The following SPTLC3 variants were observed in gnomAD, a reference collection of about 807,000 sequenced individuals.
SPTLC3 encodes serine palmitoyltransferase long chain base subunit 3.
In SPTLC3, 36 loss-of-function variants were observed where a neutral mutation model predicts 59.3. The ratio of observed to expected loss-of-function variants is 0.61; its 90% CI spans 0.47 to 0.80. SPTLC3 has a LOEUF of 0.80. Ranked by LOEUF, SPTLC3 falls within the 30% of genes least tolerant of loss-of-function variation. SPTLC3 has a pLI of 0.00. For missense variants in SPTLC3, 625 were observed against 685.1 expected, an observed-to-expected ratio of 0.91 and a Z score of 0.98; for synonymous variants, 257 against 240.8, an observed-to-expected ratio of 1.07 and a Z score of -0.62.
In SPTLC3 at chr20:13,107,775, C is replaced by CT. The variant is rs34968369; in HGVS notation, c.827-2323dup. 3.3e-3 allele frequency among the ~76,000 whole-genome samples: 466 copies of CT among 142,012 alleles called. 4 individuals carry two copies. Among genetic ancestry groups the CT allele is most frequent in the South Asian group, 0.029 (130 of 4,408 alleles). 93.2% of individuals were successfully genotyped at this position (142,012 alleles called of 152,430 possible). On this transcript the variant is annotated intron_variant, in intron 6 of 11. Transcript: ENST00000399002. ...ATTAAAGAAAGGAAAGGAAAATGAC[C>CT]TTTTTTTTTTTTTTGTATCTGTTGG...
intron 6 of SPTLC3, among the ~76,000 whole-genome samples, chr20:13,104,027 G>C (rs1488179680): frequency 6.6e-6 from 1 of 152,122 alleles, no homozygotes. Context: ...GTAAGAACAG[G>C]CACAGGCTCA....
In SPTLC3 at chr20:13,160,094, T is replaced by C; in HGVS notation, c.1507T>C (p.Cys503Arg). The C allele has an allele frequency of 1.2e-6, 2 of 1,614,006 alleles. No homozygotes were observed. Among genetic ancestry groups the C allele is most frequent in the Non-Finnish European group, 8.5e-7 (1 of 1,179,952 alleles). ...TPLAEARARF[C>R]VSAAHTREML... ...CCTCGCAGAAGCTCGGGCTCGGTTT[T>C]GTGTTTCAGCGGCACATACCCGGGA... Residue 503 changes from cysteine to arginine, a missense_variant, in exon 11 of 12, where the codon TGT (cysteine) becomes CGT (arginine). Physicochemically the swap from Cys to Arg is radical, Grantham distance 180 (BLOSUM62 -3). Transcript: ENST00000399002.
chr20:13,018,046 C>T (rs1050253933), intron 1 of SPTLC3, among the ~76,000 whole-genome samples: 2 of 152,168 alleles, frequency 1.3e-5, no homozygotes, highest in African/African-American at 4.8e-5. Flanking sequence ...AACTTCTAAA[C>T]TGTGTGAGTG....
chr20:13,057,260 C>T (rs1987768607), intron 2 of SPTLC3, among the ~76,000 whole-genome samples: 1 of 152,050 alleles, frequency 6.6e-6, no homozygotes, highest in Non-Finnish European at 1.5e-5. Context: ...GACAAGCCAG[C>T]CATGGGCAAA....
chr20:13,130,393 G>T (rs1331087231), intron 9 of SPTLC3, among the ~76,000 whole-genome samples: 1 of 151,938 alleles, frequency 6.6e-6, no homozygotes, highest in Non-Finnish European at 1.5e-5. Flanking sequence ...TCAAGGCTTT[G>T]TTTCAGGTTG....
At chr20:13,037,008 C>G (rs1415049720) in intron 1 of SPTLC3, among the ~76,000 whole-genome samples, 1 of 152,110 alleles carries the variant, frequency 6.6e-6, no homozygotes. Context: ...TAATCGAAAA[C>G]CAGTATTTTC....
At chr20:13,100,344 T>C (rs906144301) in intron 6 of SPTLC3, among the ~76,000 whole-genome samples, 2 of 152,182 alleles carry the variant, frequency 1.3e-5, no homozygotes, top group African/African-American at 4.8e-5. Context: ...AGGAAAGTTC[T>C]GCAAGGGAGC....
At chr20:13,025,617 T>C (rs1986103231) in intron 1 of SPTLC3, among the ~76,000 whole-genome samples, 1 of 152,200 alleles carries the variant, frequency 6.6e-6, no homozygotes, top group Non-Finnish European at 1.5e-5. Flanking sequence ...GCACTATTAC[T>C]AATATTGACC....
At chr20:13,098,125 A>G (rs760503034) in intron 6 of SPTLC3, among the ~76,000 whole-genome samples, 44 of 152,222 alleles carry the variant, frequency 2.9e-4, no homozygotes, top group Non-Finnish European at 4.4e-4. Flanking sequence ...TGTGGTCCAC[A>G]AAGCCTAAAG....
At chr20:13,129,275 T>C (rs1339284560) in intron 9 of SPTLC3, among the ~76,000 whole-genome samples, 1 of 152,164 alleles carries the variant, frequency 6.6e-6, no homozygotes, top group Non-Finnish European at 1.5e-5. Context: ...GTGCTGGGAT[T>C]ACAGGCGTGA....
chr20:13,159,814 T>C (rs2038855720), intron 10 of SPTLC3, among the ~76,000 whole-genome samples, 189 bp from the exon 11 acceptor site: 1 of 152,172 alleles, frequency 6.6e-6, no homozygotes, highest in Non-Finnish European at 1.5e-5. Flanking sequence ...ACCAAGTGAC[T>C]GACTGCCTGT....
At chr20:13,139,597 C>G (rs963053103) in intron 9 of SPTLC3, among the ~76,000 whole-genome samples, 1 of 152,158 alleles carries the variant, frequency 6.6e-6, no homozygotes, top group Non-Finnish European at 1.5e-5. Flanking sequence ...AGGCACATTG[C>G]ATTTCTGCCC....
At chr20:13,073,747 T>C in intron 3 of SPTLC3, 1 of 551,582 alleles carries the variant, frequency 1.8e-6, no homozygotes, top group Non-Finnish European at 3.5e-6. Context: ...ACAGTATCCA[T>C]TATTCCAGAC....
chr20:13,135,119 GC>G, intron 9 of SPTLC3, among the ~76,000 whole-genome samples: 1 of 152,270 alleles, frequency 6.6e-6, no homozygotes, highest in East Asian at 1.9e-4. Flanking sequence ...CAGAGATACT[GC>G]CATTTCTCCA....
At chr20:13,133,083 C>G (rs184102315) in intron 9 of SPTLC3, 1 of 152,324 alleles carries the variant, frequency 6.6e-6, no homozygotes. Flanking sequence ...AGACTGTCTT[C>G]GTTGTAGAGA....
intron 1 of SPTLC3, among the ~76,000 whole-genome samples, chr20:13,025,991 T>C (rs1368299106): frequency 6.6e-6 from 1 of 152,196 alleles, no homozygotes; most frequent in African/African-American, 2.4e-5. Flanking sequence ...TGGTTTTCTC[T>C]TCCTGCATTA....
intron 4 of SPTLC3, among the ~76,000 whole-genome samples, chr20:13,090,053 T>A (rs979412705): frequency 6.6e-6 from 1 of 152,210 alleles, no homozygotes; most frequent in East Asian, 1.9e-4. Context: ...ACTAACCACA[T>A]GTAGCTGGTG....
rs909376153 is a variant in SPTLC3, at chr20:13,070,062, T to C, written c.304-2194T>C. On this transcript the variant is annotated intron_variant, in intron 2 of 11. Transcript: ENST00000399002. ...AAAATGTATTGAATCAAAGAAGAAA[T>C]AGTTTGAGAATGAGTTTTCTAGAAT... Among the ~76,000 whole-genome samples, 9 of 151,986 alleles carry C rather than the reference T, an allele frequency of 5.9e-5. No individual in the cohort carries two copies. The East Asian group carries it at 1.5e-3, about 26-fold the overall frequency.
Position 13,126,608 on chromosome 20 carries a change from A to G in SPTLC3, c.1170A>G (p.Leu390=). The part of the protein sequence containing the change: ...IAGRKDLVDY[L]RVHSHSAVYA... The stretch of plus-strand genomic sequence containing the variant: ...TATTTAAGGACCTCGTGGATTATTT[A>G]CGGGTTCACTCGCATAGTGCTGTTT... Residue 390 remains leucine (L), a synonymous_variant, in exon 9 of 12, where the codon TTA becomes TTG. Coordinates refer to ENST00000399002, the MANE Select transcript of SPTLC3 (RefSeq NM_018327.4). The G allele has an allele frequency of 6.2e-7, 1 of 1,613,766 alleles. No homozygotes were observed. Among genetic ancestry groups the G allele is most frequent in the Non-Finnish European group, 8.5e-7 (1 of 1,179,840 alleles).
Sources: gnomAD v4.1 joint callset for allele counts (sites outside exome capture counted in the v4.1 genomes callset) on GRCh38, gnomAD v4.1.1 for gene constraint, MANE v1.5 for transcripts, NCBI Gene and HGNC (gene_info 2026-07-23, HGNC 2026-07-21) for gene names.